The following DNAH11 variants were observed in gnomAD, a reference collection of about 807,000 sequenced individuals.
DNAH11 encodes dynein axonemal heavy chain 11, also known as axonemal beta dynein heavy chain 11.
In DNAH11, 442 loss-of-function variants were observed where a neutral mutation model predicts 526.0. That is an observed-to-expected ratio of 0.84 (90% CI 0.78 to 0.91). The LOEUF (loss-of-function observed/expected upper bound fraction) is 0.91, where lower values mean the gene tolerates loss of function less well. Ranked by LOEUF, DNAH11 falls within the 40% of genes least tolerant of loss-of-function variation. DNAH11 has a pLI of 0.00. For synonymous variants in DNAH11, 2,461 were observed against 1,935.9 expected, an observed-to-expected ratio of 1.27 and a Z score of -7.12; for missense variants, 6,989 against 5,448.7, an observed-to-expected ratio of 1.28 and a Z score of -8.90.
At chr7:21,613,509 T>C (rs1048831750) in intron 20 of DNAH11, among the ~76,000 whole-genome samples, 20 of 147,846 alleles carry the variant, frequency 1.4e-4, no homozygotes, top group Admixed American at 6.7e-5. Flanking sequence ...TGTGAAGATA[T>C]AACTTGTAAA....
At chr7:21,640,104 A>G (rs1250477537) in intron 28 of DNAH11, among the ~76,000 whole-genome samples, 1 of 152,188 alleles carries the variant, frequency 6.6e-6, no homozygotes. Flanking sequence ...TTGTTGGACA[A>G]TTTGGGCAAC....
At chr7:21,774,355 C>A (rs1425521330) in intron 56 of DNAH11, among the ~76,000 whole-genome samples, 2 of 152,054 alleles carry the variant, frequency 1.3e-5, no homozygotes, top group African/African-American at 4.8e-5. Context: ...CTTTTTTGGT[C>A]TCAGATTCTC....
chr7:21,600,600 G>A, intron 15 of DNAH11, 76 bp from the exon 16 acceptor site: 1 of 1,397,216 alleles, frequency 7.2e-7, no homozygotes, highest in Non-Finnish European at 9.4e-7. Context: ...GAATTACCTT[G>A]GTAATGTTAT....
At chr7:21,606,255 G>C (rs1052809590) in intron 18 of DNAH11, among the ~76,000 whole-genome samples, 171 bp from the exon 19 acceptor site, 1 of 152,008 alleles carries the variant, frequency 6.6e-6, no homozygotes, top group African/African-American at 2.4e-5. Flanking sequence ...CCTTGGAGGT[G>C]AAGGTTTCAG....
At chr7:21,800,176 C>A (rs961826036) in intron 61 of DNAH11, among the ~76,000 whole-genome samples, 7 of 152,186 alleles carry the variant, frequency 4.6e-5, no homozygotes, top group Non-Finnish European at 8.8e-5. Context: ...ACATCCCTTT[C>A]GTCCTTCTCT....
At chr7:21,584,705 A>G (rs77043819) in intron 9 of DNAH11, among the ~76,000 whole-genome samples, 264 of 152,328 alleles carry the variant, frequency 1.7e-3, no homozygotes, top group African/African-American at 6.2e-3. Context: ...TCTCTCAGGT[A>G]TACTTGCTAG....
In DNAH11 at chr7:21,894,612, A is replaced by G; in HGVS notation, c.12751-11A>G. 2 of 1,611,854 alleles carry G rather than the reference A, an allele frequency of 1.2e-6. No individual in the cohort carries two copies. Among genetic ancestry groups the G allele is most frequent in the South Asian group, 2.2e-5 (2 of 90,392 alleles). ...TAGAAAGGAGCTAAATCTTTGTGTT[A>G]CTGATTTAAGGTTAAGAATGTCTTG... On this transcript the variant is annotated splice_polypyrimidine_tract_variant and intron_variant, in intron 77 of 81. Transcript: ENST00000409508.
intron 61 of DNAH11, among the ~76,000 whole-genome samples, chr7:21,797,431 C>T (rs1470990195): frequency 1.3e-5 from 2 of 151,670 alleles, no homozygotes; most frequent in Non-Finnish European, 2.9e-5. Context: ...GTTGGTCAGG[C>T]TGGTCTCAAA....
chr7:21,744,538 A>T lies in DNAH11; in HGVS notation c.8255A>T (p.Asp2752Val), dbSNP rs768309014. ...CGTGTTTATGGAGACAAACTGATAG[A>T]CAAAAAAGATTGTGATTTGTTTCAG... is the stretch of plus-strand genomic sequence containing the variant. ...SARVYGDKLIDKKDCDLFQRR... is the reference protein window; with the variant it reads ...SARVYGDKLIVKKDCDLFQRR... Residue 2752 changes from aspartate to valine, a missense_variant, in exon 50 of 82, where the codon GAC (aspartate) becomes GTC (valine). Physicochemically the swap from Asp to Val is radical, Grantham distance 152. Transcript: ENST00000409508. 5.0e-6 allele frequency: 8 copies of T among 1,613,458 alleles called. No individual in the cohort carries two copies. Among genetic ancestry groups the T allele is most frequent in the Non-Finnish European group, 6.8e-6 (8 of 1,179,800 alleles).
intron 66 of DNAH11, among the ~76,000 whole-genome samples, chr7:21,848,404 G>GT (rs1450444939): frequency 1.3e-5 from 2 of 150,548 alleles, no homozygotes; most frequent in Non-Finnish European, 3.0e-5. Flanking sequence ...GATAGGTCTT[G>GT]TTTTTTATCT....
intron 28 of DNAH11, among the ~76,000 whole-genome samples, chr7:21,653,616 T>G (rs563492764): frequency 3.7e-4 from 56 of 152,198 alleles, no homozygotes; most frequent in Admixed American, 1.5e-3. Flanking sequence ...CCACTTCAGC[T>G]GGGAGAGTGA....
intron 66 of DNAH11, among the ~76,000 whole-genome samples, chr7:21,848,597 A>G (rs28573841): frequency 0.095 from 14,344 of 151,776 alleles, 1,951 homozygotes; most frequent in African/African-American, 0.29. Flanking sequence ...TTTCTTAGCT[A>G]TATATATTGG....
At chr7:21,654,446 C>T (rs187664131) in intron 28 of DNAH11, among the ~76,000 whole-genome samples, 12 of 152,064 alleles carry the variant, frequency 7.9e-5, no homozygotes, top group African/African-American at 1.7e-4. Context: ...AACAATATTC[C>T]GTTGTATGGA....
chr7:21,680,474 C>T (rs1783092848), intron 30 of DNAH11, among the ~76,000 whole-genome samples: 2 of 152,210 alleles, frequency 1.3e-5, no homozygotes, highest in African/African-American at 4.8e-5. Flanking sequence ...AAGACAGCAT[C>T]TTTCAAACCT....
chr7:21,600,671 T>C lies in DNAH11; in HGVS notation c.3001-5T>C, dbSNP rs1320288135. 1 of 1,598,082 alleles carries C rather than the reference T, an allele frequency of 6.3e-7. No individual in the cohort carries two copies. Among genetic ancestry groups the C allele is most frequent in the East Asian group, 2.2e-5 (1 of 44,688 alleles). ...TAGTAAGTGCTGTGTTTTCCTCTCATTTAGAATGATATGGATAACATGTTA... is the reference window on the plus strand; with the variant it reads ...TAGTAAGTGCTGTGTTTTCCTCTCACTTAGAATGATATGGATAACATGTTA... On this transcript the variant is annotated splice_region_variant and splice_polypyrimidine_tract_variant and intron_variant, in intron 15 of 81. Coordinates refer to ENST00000409508, the MANE Select transcript of DNAH11 (RefSeq NM_001277115.2).
In DNAH11 at chr7:21,568,334, C is replaced by T. The variant is rs563552338; in HGVS notation, c.1195-1735C>T. Among the ~76,000 whole-genome samples, 8 of 152,142 alleles carry T rather than the reference C, an allele frequency of 5.3e-5. 1 individual carries two copies. In the South Asian group the frequency reaches 1.2e-3, roughly 24 times the overall value. On this transcript the variant is annotated intron_variant, in intron 6 of 81. Coordinates refer to ENST00000409508, the MANE Select transcript of DNAH11 (RefSeq NM_001277115.2). Reference sequence around the variant, plus strand: ...GGTTAGGCGTGCTCCAGACTGGGTACTGTGAGAGGTAGAAAAGAATTTAGA... The same window carrying T: ...GGTTAGGCGTGCTCCAGACTGGGTATTGTGAGAGGTAGAAAAGAATTTAGA...
At position 21,572,188 on chromosome 7, in the gene DNAH11, T is replaced by G. The variant is rs79098586; in HGVS notation, c.1593+215T>G. ...ATTTTCAGTTCAGAATGACGGCTGATAAAACTGCAGACCTCAGTCTGGATT... is the reference window on the plus strand; with the variant it reads ...ATTTTCAGTTCAGAATGACGGCTGAGAAAACTGCAGACCTCAGTCTGGATT... On this transcript the variant is annotated intron_variant, in intron 8 of 81. Coordinates refer to ENST00000409508, the MANE Select transcript of DNAH11 (RefSeq NM_001277115.2). Among the ~76,000 whole-genome samples, 3,122 of 152,298 alleles carry G rather than the reference T, an allele frequency of 0.02. 111 individuals are homozygous for G. The highest frequency in any genetic ancestry group is 0.07 in the African/African-American group (2,912 of 41,560).
chr7:21,832,974 CTTCTCATGCA>C (rs1362171275), intron 65 of DNAH11, among the ~76,000 whole-genome samples: 1 of 152,192 alleles, frequency 6.6e-6, no homozygotes, highest in Non-Finnish European at 1.5e-5. Context: ...GTTTGTGCCG[CTTCTCATGCA>C]TATGTGAATA....
chr7:21,766,660 T>G lies in DNAH11; in HGVS notation c.9102+1071T>G, dbSNP rs918362713. 5.3e-5 allele frequency among the ~76,000 whole-genome samples: 8 copies of G among 152,130 alleles called. No homozygotes were observed. In the East Asian group the frequency reaches 9.6e-4, roughly 18 times the overall value. On this transcript the variant is annotated intron_variant, in intron 55 of 81. Coordinates refer to ENST00000409508, the MANE Select transcript of DNAH11 (RefSeq NM_001277115.2). ...CTGGTCATATTTACATATTTAATTG[T>G]TTGTATGCAGCTAGCTTTATTGTTC...
Sources: allele counts gnomAD v4.1 joint callset (sites outside exome capture counted in the v4.1 genomes callset), GRCh38; gene constraint gnomAD v4.1.1; transcripts MANE v1.5; gene names NCBI Gene and HGNC (gene_info 2026-07-23, HGNC 2026-07-21).